Variants in RPS6KC1 observed in about 807,000 individuals in gnomAD.
RPS6KC1 encodes the protein inactive ribosomal protein S6 kinase delta-1.
Under a neutral mutation model 103.8 loss-of-function variants are expected in RPS6KC1, and 54 were observed. The ratio of observed to expected loss-of-function variants is 0.52; its 90% CI spans 0.42 to 0.65. The LOEUF (loss-of-function observed/expected upper bound fraction) is 0.65, where lower values mean the gene tolerates loss of function less well. RPS6KC1 is among the 30% of genes least tolerant of loss of function. The pLI, the probability that RPS6KC1 is intolerant of heterozygous loss-of-function variation, is 0.00. For missense variants in RPS6KC1, 1,151 were observed against 1,253.8 expected (o/e 0.92, Z 1.24); for synonymous variants, 439 against 438.7 (o/e 1.00, Z -0.01).
At chr1:213,688,666 C>A in the RPS6KC1 span, among the ~76,000 whole-genome samples, 199 of 152,344 alleles carry the variant, frequency 1.3e-3, no homozygotes, top group African/African-American at 4.6e-3. Context: ...CCAACACTTA[C>A]CATCTTGCTT....
the RPS6KC1 span, among the ~76,000 whole-genome samples, chr1:213,586,487 A>G: frequency 6.6e-6 from 1 of 152,260 alleles, no homozygotes; most frequent in Admixed American, 6.5e-5. Flanking sequence ...ACTGAGAAGA[A>G]AAATGTCCTC....
the RPS6KC1 span, among the ~76,000 whole-genome samples, chr1:213,845,306 T>C: frequency 6.6e-6 from 1 of 152,198 alleles, no homozygotes; most frequent in African/African-American, 2.4e-5. Flanking sequence ...TGTCTTAAAA[T>C]TGTGAGGGCA....
the RPS6KC1 span, among the ~76,000 whole-genome samples, chr1:213,633,864 A>T: frequency 8.2e-6 from 1 of 122,668 alleles, no homozygotes; most frequent in Non-Finnish European, 1.6e-5. Context: ...TCTGCCAAGC[A>T]AATGGAAAGC....
the RPS6KC1 span, among the ~76,000 whole-genome samples, chr1:213,645,579 G>T: frequency 6.6e-6 from 1 of 152,068 alleles, no homozygotes; most frequent in South Asian, 2.1e-4. Context: ...ACTTGTCCTG[G>T]GTAGGGTCTG....
chr1:213,083,070 A>C (rs2080050249), intron 3 of RPS6KC1, among the ~76,000 whole-genome samples: 1 of 152,218 alleles, frequency 6.6e-6, no homozygotes, highest in African/African-American at 2.4e-5. Flanking sequence ...AATAAGAGTC[A>C]CAGGTGACCC....
At position 213,104,456 on chromosome 1, in the gene RPS6KC1, C is replaced by A; in HGVS notation, c.265C>A (p.Arg89=). The A allele has an allele frequency of 6.3e-7, 1 of 1,593,928 alleles. No individual in the cohort carries two copies. Among genetic ancestry groups the A allele is most frequent in the Non-Finnish European group, 8.6e-7 (1 of 1,163,420 alleles). ...TGTTGATTCTTATTTAATTGTAGGGCGATTTGATGAAACTGTTATCGAAGA... is the reference window on the plus strand; with the variant it reads ...TGTTGATTCTTATTTAATTGTAGGGAGATTTGATGAAACTGTTATCGAAGA... The part of the protein sequence containing the change: ...PPFAKGIVFG[R]FDETVIEERR... Residue 89 remains arginine (R), a splice_region_variant and synonymous_variant, in exon 4 of 15, where the codon CGA becomes AGA. Transcript: ENST00000366960.
At chr1:213,428,619 T>G in the RPS6KC1 span, 1 of 117,334 alleles carries the variant, frequency 8.5e-6, no homozygotes, top group African/African-American at 3.5e-5. Context: ...TCCCTCTCTC[T>G]CTTTCTTTCT....
At chr1:213,170,506 G>A (rs2091386299) in intron 7 of RPS6KC1, among the ~76,000 whole-genome samples, 1 of 152,152 alleles carries the variant, frequency 6.6e-6, no homozygotes, top group Non-Finnish European at 1.5e-5. Context: ...CATAGTTGAG[G>A]ACCTGTATAT....
the RPS6KC1 span, among the ~76,000 whole-genome samples, chr1:213,771,944 C>A: frequency 6.6e-6 from 1 of 152,072 alleles, no homozygotes; most frequent in East Asian, 1.9e-4. Flanking sequence ...TCTGGGCGGG[C>A]GTGGGGGTCG....
At chr1:213,106,200 G>A (rs1283053051) in intron 4 of RPS6KC1, among the ~76,000 whole-genome samples, 1 of 152,152 alleles carries the variant, frequency 6.6e-6, no homozygotes, top group South Asian at 2.1e-4. Context: ...GAATATCAGA[G>A]CAGTGGTATT....
chr1:213,482,732 A>T, the RPS6KC1 span, among the ~76,000 whole-genome samples: 1 of 151,682 alleles, frequency 6.6e-6, no homozygotes, highest in Non-Finnish European at 1.5e-5. Flanking sequence ...TATTTTTAGT[A>T]GAAATGGGGT....
chr1:213,457,105 G>A, the RPS6KC1 span, among the ~76,000 whole-genome samples: 3 of 152,138 alleles, frequency 2.0e-5, no homozygotes, highest in East Asian at 1.9e-4. Flanking sequence ...GGAGGGGAGA[G>A]GTCACCCTAT....
At chr1:213,766,068 A>G in the RPS6KC1 span, among the ~76,000 whole-genome samples, 205 of 152,266 alleles carry the variant, frequency 1.3e-3, no homozygotes, top group Non-Finnish European at 2.2e-3. Flanking sequence ...TTAAAATTCA[A>G]TCCATAATGT....
chr1:213,674,092 C>G, the RPS6KC1 span, among the ~76,000 whole-genome samples: 1 of 152,234 alleles, frequency 6.6e-6, no homozygotes. Context: ...GATCTCAGCT[C>G]ACTGCAACCT....
chr1:213,370,977 A>T, the RPS6KC1 span, among the ~76,000 whole-genome samples: 19 of 152,340 alleles, frequency 1.2e-4, no homozygotes, highest in Admixed American at 1.2e-3. Context: ...TACACATAAC[A>T]TTGATCTCTT....
the RPS6KC1 span, among the ~76,000 whole-genome samples, chr1:213,384,151 C>T: frequency 2.0e-5 from 3 of 151,982 alleles, no homozygotes; most frequent in East Asian, 5.8e-4. Context: ...TGGCGGGTGC[C>T]TGTAGTCCCA....
chr1:213,051,455 C>T lies in RPS6KC1; in HGVS notation c.51C>T (p.Val17=), dbSNP rs370328339. The T allele has an allele frequency of 1.2e-6, 2 of 1,613,554 alleles. No homozygotes were observed. Among genetic ancestry groups the T allele is most frequent in the South Asian group, 1.1e-5 (1 of 90,998 alleles). ...RSADLARFYT[V]TEPQRHPRGY... ...CCGACCTGGCCCGTTTCTACACTGTCACCGAGCCCCAGCGACACCCGAGGG... is the reference window on the plus strand; with the variant it reads ...CCGACCTGGCCCGTTTCTACACTGTTACCGAGCCCCAGCGACACCCGAGGG... Residue 17 remains valine (V), a synonymous_variant, in exon 1 of 15, where the codon GTC becomes GTT. Transcript: ENST00000366960.
intron 8 of RPS6KC1, among the ~76,000 whole-genome samples, chr1:213,218,741 G>T (rs2093739293): frequency 6.6e-6 from 1 of 152,142 alleles, no homozygotes; most frequent in South Asian, 2.1e-4. Flanking sequence ...TCTGATCTTT[G>T]ACAAACCTGA....
intron 3 of RPS6KC1, among the ~76,000 whole-genome samples, chr1:213,078,391 A>C (rs2079547869): frequency 1.3e-5 from 2 of 152,052 alleles, no homozygotes; most frequent in South Asian, 4.1e-4. Flanking sequence ...ACTCTAACGT[A>C]AATGTTCTTA....
Sources: allele counts gnomAD v4.1 joint callset (sites outside exome capture counted in the v4.1 genomes callset), GRCh38; gene constraint gnomAD v4.1.1; transcripts MANE v1.5; gene names NCBI Gene and HGNC (gene_info 2026-07-23, HGNC 2026-07-21).